LRMDA: variants seen among roughly 807,000 people sequenced by gnomAD.
LRMDA encodes leucine-rich melanocyte differentiation-associated protein.
LRMDA carries 18 observed loss-of-function variants against 29.8 expected under a neutral mutation model. The ratio of observed to expected loss-of-function variants is 0.60; its 90% CI spans 0.42 to 0.90. The LOEUF is 0.90. Ranked by LOEUF, LRMDA falls within the 40% of genes least tolerant of loss-of-function variation. The pLI, the probability that LRMDA is intolerant of heterozygous loss-of-function variation, is 0.00. For missense variants in LRMDA, 273 were observed against 273.9 expected (o/e 1.00, Z 0.02); for synonymous variants, 125 against 109.4 (o/e 1.14, Z -0.89).
intron 5 of LRMDA, among the ~76,000 whole-genome samples, chr10:76,277,341 C>T (rs574670449): frequency 2.6e-5 from 4 of 152,268 alleles, no homozygotes; most frequent in African/African-American, 7.2e-5. Context: ...TCCCCATCCT[C>T]AGTATCCTTG....
intron 5 of LRMDA, among the ~76,000 whole-genome samples, chr10:76,087,860 A>G (rs1849161974): frequency 6.6e-6 from 1 of 152,156 alleles, no homozygotes; most frequent in Non-Finnish European, 1.5e-5. Context: ...GGTGGCTCAC[A>G]CCTGTTATAC....
intron 5 of LRMDA, among the ~76,000 whole-genome samples, chr10:76,289,567 T>C (rs1251697771): frequency 6.6e-6 from 1 of 152,204 alleles, no homozygotes; most frequent in Non-Finnish European, 1.5e-5. Context: ...AAACGCATTG[T>C]CTAATCTCCC....
At chr10:76,201,589 G>C (rs138177635) in intron 5 of LRMDA, among the ~76,000 whole-genome samples, 2 of 152,308 alleles carry the variant, frequency 1.3e-5, no homozygotes, top group African/African-American at 4.8e-5. Flanking sequence ...GTAGAGCTCA[G>C]AGCCTATTAT....
chr10:76,288,859 A>C (rs1840304856), intron 5 of LRMDA, among the ~76,000 whole-genome samples: 1 of 152,176 alleles, frequency 6.6e-6, no homozygotes. Context: ...ATCAGAAAAC[A>C]TGATGGAGGG....
At chr10:76,551,528 C>T (rs761222335) in intron 6 of LRMDA, among the ~76,000 whole-genome samples, 3 of 152,122 alleles carry the variant, frequency 2.0e-5, no homozygotes, top group Admixed American at 6.5e-5. Flanking sequence ...CTTACAAAGC[C>T]GTACACATTT....
At chr10:76,420,973 T>C (rs1473971582) in intron 6 of LRMDA, among the ~76,000 whole-genome samples, 1 of 152,190 alleles carries the variant, frequency 6.6e-6, no homozygotes, top group Non-Finnish European at 1.5e-5. Context: ...TGTTGTGCAA[T>C]GTCTTTAGTC....
chr10:75,835,243 C>T (rs943494826), intron 2 of LRMDA, among the ~76,000 whole-genome samples: 2 of 152,140 alleles, frequency 1.3e-5, no homozygotes, highest in African/African-American at 2.4e-5. Flanking sequence ...CCTGTGCATT[C>T]CAGTGTCTAG....
At chr10:76,348,810 A>G (rs1841140075) in intron 6 of LRMDA, among the ~76,000 whole-genome samples, 1 of 152,260 alleles carries the variant, frequency 6.6e-6, no homozygotes. Flanking sequence ...CCTAGCAGAC[A>G]GAAACTCAGA....
chr10:76,042,077 A>G (rs1471819336), intron 3 of LRMDA, among the ~76,000 whole-genome samples: 1 of 152,228 alleles, frequency 6.6e-6, no homozygotes, highest in East Asian at 1.9e-4. Flanking sequence ...AAAACCAGCC[A>G]ACATAAGGCT....
chr10:75,851,847 C>T (rs1450193132), intron 2 of LRMDA, among the ~76,000 whole-genome samples: 3 of 152,178 alleles, frequency 2.0e-5, no homozygotes, highest in Non-Finnish European at 4.4e-5. Context: ...TGAAGGAGTA[C>T]GGCTGCCTGC....
At chr10:75,438,666 G>A (rs1844290322) in intron 2 of LRMDA, among the ~76,000 whole-genome samples, 172 bp downstream of exon 2, 1 of 152,192 alleles carries the variant, frequency 6.6e-6, no homozygotes, top group Non-Finnish European at 1.5e-5. Context: ...ACTGTGTCCG[G>A]TGATTCCTTG....
chr10:75,896,294 T>C (rs1464007623), intron 2 of LRMDA, among the ~76,000 whole-genome samples: 1 of 152,244 alleles, frequency 6.6e-6, no homozygotes, highest in Non-Finnish European at 1.5e-5. Flanking sequence ...TTAACCAATT[T>C]CTCATCTGAA....
chr10:76,319,861 A>G (rs2758964), intron 5 of LRMDA, among the ~76,000 whole-genome samples: 132,698 of 152,118 alleles, frequency 0.87, 58,626 homozygotes, highest in Non-Finnish European at 0.95. Flanking sequence ...AATGAGTTGT[A>G]GAGCTGTGGT....
At chr10:76,045,774 A>C (rs543985170) in intron 3 of LRMDA, among the ~76,000 whole-genome samples, 43 of 152,254 alleles carry the variant, frequency 2.8e-4, no homozygotes, top group East Asian at 1.2e-3. Context: ...TTCCAGGGGA[A>C]AGGAAAACTG....
At chr10:76,316,474 G>T (rs757193018) in intron 5 of LRMDA, among the ~76,000 whole-genome samples, 24 of 152,312 alleles carry the variant, frequency 1.6e-4, no homozygotes, top group Non-Finnish European at 2.9e-4. Flanking sequence ...ATCTGGGCCG[G>T]TAGTGCCAGC....
At chr10:75,943,224 G>C (rs544639376) in intron 2 of LRMDA, among the ~76,000 whole-genome samples, 1 of 150,794 alleles carries the variant, frequency 6.6e-6, no homozygotes, top group African/African-American at 2.4e-5. Context: ...TTGTTTCACT[G>C]CTTTGAGGAT....
intron 2 of LRMDA, among the ~76,000 whole-genome samples, chr10:75,972,041 T>C (rs376389393): frequency 1.1e-3 from 165 of 152,320 alleles, no homozygotes; most frequent in Middle Eastern, 3.4e-3. Context: ...AGAGGAAATA[T>C]TGGCTGGCAA....
intron 2 of LRMDA, among the ~76,000 whole-genome samples, chr10:75,696,780 C>T (rs947315107): frequency 1.6e-4 from 25 of 152,112 alleles, no homozygotes; most frequent in Non-Finnish European, 2.9e-4. Context: ...ATGTGATTTC[C>T]TCCTTCTGCC....
chr10:76,309,356 A>C (rs550800006), intron 5 of LRMDA, among the ~76,000 whole-genome samples: 3 of 152,194 alleles, frequency 2.0e-5, no homozygotes, highest in South Asian at 4.2e-4. Context: ...GGTGGAGGTA[A>C]TAATGAGGCA....
Sources: gnomAD v4.1 joint callset for allele counts (sites outside exome capture counted in the v4.1 genomes callset) on GRCh38, gnomAD v4.1.1 for gene constraint, MANE v1.5 for transcripts, NCBI Gene and HGNC (gene_info 2026-07-23, HGNC 2026-07-21) for gene names.